The following DPH6 variants were observed in gnomAD, a reference collection of about 807,000 sequenced individuals.
DPH6 encodes diphthine--ammonia ligase.
DPH6 carries 33 observed loss-of-function variants against 38.2 expected under a neutral mutation model. The observed-to-expected ratio is 0.86, with a 90% CI of 0.65 to 1.15. The LOEUF (loss-of-function observed/expected upper bound fraction) is 1.15, where lower values mean the gene tolerates loss of function less well. DPH6 is among the 50% of genes most tolerant of loss of function. The pLI is 0.00. For synonymous variants in DPH6, 108 were observed against 103.0 expected (o/e 1.05, Z -0.30); for missense variants, 325 against 320.0 (o/e 1.02, Z -0.12).
intron 3 of DPH6, among the ~76,000 whole-genome samples, chr15:35,527,916 A>C (rs2055029178): frequency 1.3e-5 from 2 of 152,184 alleles, no homozygotes; most frequent in South Asian, 4.1e-4. Flanking sequence ...CAGGAGTTTA[A>C]AGGATAAATT....
chr15:35,510,737 C>G (rs2054758233), intron 3 of DPH6, among the ~76,000 whole-genome samples: 1 of 152,112 alleles, frequency 6.6e-6, no homozygotes. Context: ...AACCCTGATA[C>G]ATGTCATCAT....
chr15:35,223,265 G>A (rs151167415), intron 3 of DPH6, among the ~76,000 whole-genome samples: 54 of 152,256 alleles, frequency 3.5e-4, no homozygotes, highest in African/African-American at 1.1e-3. Context: ...AAGAAAACGA[G>A]CAAGAAAGGC....
At chr15:35,337,673 A>G (rs1287320292) in intron 3 of DPH6, among the ~76,000 whole-genome samples, 1 of 152,226 alleles carries the variant, frequency 6.6e-6, no homozygotes, top group African/African-American at 2.4e-5. Flanking sequence ...CAGAATTGGA[A>G]AAAACTACTT....
At chr15:35,424,830 G>A (rs954842766) in intron 5 of DPH6, among the ~76,000 whole-genome samples, 4 of 151,606 alleles carry the variant, frequency 2.6e-5, no homozygotes, top group Admixed American at 6.6e-5. Context: ...CCTAGGACTT[G>A]AACTTAATCC....
intron 3 of DPH6, among the ~76,000 whole-genome samples, chr15:35,516,839 C>A (rs1308271801): frequency 6.6e-6 from 1 of 152,016 alleles, no homozygotes; most frequent in Non-Finnish European, 1.5e-5. Flanking sequence ...GAGGTGTCTG[C>A]CTCACTTTAA....
intron 5 of DPH6, among the ~76,000 whole-genome samples, chr15:35,421,449 GATA>G (rs1207969510): frequency 1.3e-5 from 2 of 152,156 alleles, no homozygotes; most frequent in Non-Finnish European, 2.9e-5. Flanking sequence ...TGCAGTTAAT[GATA>G]ATAACTGCTG....
intron 3 of DPH6, among the ~76,000 whole-genome samples, chr15:35,251,166 C>A (rs964148872): frequency 6.6e-6 from 1 of 152,120 alleles, no homozygotes; most frequent in African/African-American, 2.4e-5. Context: ...TCCTTGGTTT[C>A]TCCATTTTTC....
At chr15:35,320,112 T>A (rs2052226831) in intron 3 of DPH6, among the ~76,000 whole-genome samples, 1 of 152,214 alleles carries the variant, frequency 6.6e-6, no homozygotes, top group Non-Finnish European at 1.5e-5. Flanking sequence ...TCATTTCATT[T>A]TCATGGCTTT....
chr15:35,248,856 A>G (rs1353893906), intron 3 of DPH6, among the ~76,000 whole-genome samples: 3 of 152,222 alleles, frequency 2.0e-5, no homozygotes, highest in Admixed American at 2.0e-4. Context: ...ATTTTACCCA[A>G]TCTAGAGGAG....
chr15:35,202,958 G>GA, the DPH6 span, among the ~76,000 whole-genome samples: 1 of 151,690 alleles, frequency 6.6e-6, no homozygotes, highest in Non-Finnish European at 1.5e-5. Flanking sequence ...GAGAAAGATG[G>GA]AAAATCACTT....
the DPH6 span, among the ~76,000 whole-genome samples, chr15:35,161,164 A>C: frequency 3.3e-5 from 5 of 151,898 alleles, no homozygotes; most frequent in Admixed American, 2.0e-4. Flanking sequence ...ACACAAAACA[A>C]AACAACAACA....
At chr15:35,207,268 G>A in the DPH6 span, among the ~76,000 whole-genome samples, 357 of 151,736 alleles carry the variant, frequency 2.4e-3, 1 homozygote, top group African/African-American at 8.1e-3. Flanking sequence ...GGCTGGTCCC[G>A]AACTCCTGGG....
At chr15:35,211,683 T>C in the DPH6 span, among the ~76,000 whole-genome samples, 17 of 152,182 alleles carry the variant, frequency 1.1e-4, no homozygotes, top group African/African-American at 4.1e-4. Context: ...CTATGAAATA[T>C]ATGTCACTGA....
At chr15:35,448,964 C>A (rs145487030) in intron 5 of DPH6, among the ~76,000 whole-genome samples, 215 of 143,768 alleles carry the variant, frequency 1.5e-3, no homozygotes, top group African/African-American at 5.3e-3. Context: ...CTCTCCCCCA[C>A]AGAAAGGTCT....
the DPH6 span, among the ~76,000 whole-genome samples, chr15:35,150,242 C>G: frequency 6.6e-6 from 1 of 152,156 alleles, no homozygotes; most frequent in Non-Finnish European, 1.5e-5. Flanking sequence ...TCGGAGGTGA[C>G]AGAGAGAGAG....
chr15:35,226,976 C>A (rs1373044115), intron 3 of DPH6, among the ~76,000 whole-genome samples: 1 of 151,986 alleles, frequency 6.6e-6, no homozygotes, highest in African/African-American at 2.4e-5. Flanking sequence ...TACTGGGAGA[C>A]TTTTCATTAT....
chr15:35,215,495 C>T (rs76445511), downstream of DPH6, among the ~76,000 whole-genome samples: 566 of 152,152 alleles, frequency 3.7e-3, 3 homozygotes, highest in African/African-American at 0.013. Context: ...CTCTTACTCC[C>T]GTCTCAGCCT....
intron 5 of DPH6, among the ~76,000 whole-genome samples, chr15:35,449,938 C>T (rs2053910361): frequency 6.6e-6 from 1 of 152,092 alleles, no homozygotes; most frequent in Non-Finnish European, 1.5e-5. Flanking sequence ...TAAACACTTT[C>T]AAATGAGGTA....
intron 5 of DPH6, among the ~76,000 whole-genome samples, chr15:35,429,596 C>T (rs2053608098): frequency 6.6e-6 from 1 of 152,042 alleles, no homozygotes; most frequent in Admixed American, 6.6e-5. Flanking sequence ...GACCTACTAT[C>T]AACTTCATAT....
Sources: allele counts gnomAD v4.1 joint callset (sites outside exome capture counted in the v4.1 genomes callset), GRCh38; gene constraint gnomAD v4.1.1; transcripts MANE v1.5; gene names NCBI Gene and HGNC (gene_info 2026-07-23, HGNC 2026-07-21).